CTNNBL1: variants seen among roughly 807,000 people sequenced by gnomAD.
CTNNBL1 encodes catenin beta like 1.
CTNNBL1 carries 31 observed loss-of-function variants against 72.7 expected under a neutral mutation model. The ratio of observed to expected loss-of-function variants is 0.43; its 90% CI spans 0.32 to 0.58. The LOEUF (loss-of-function observed/expected upper bound fraction) is 0.58, where lower values mean the gene tolerates loss of function less well. Among genes scored for constraint, CTNNBL1 ranks in the 20% least tolerant of loss-of-function variants. The pLI, the probability that CTNNBL1 is intolerant of heterozygous loss-of-function variation, is 0.08. For synonymous variants in CTNNBL1, 240 were observed against 267.3 expected (o/e 0.90, Z 1.00); for missense variants, 534 against 725.1 (o/e 0.74, Z 3.03).
intron 1 of CTNNBL1, among the ~76,000 whole-genome samples, chr20:37,711,273 A>C (rs2072935794): frequency 6.6e-6 from 1 of 152,060 alleles, no homozygotes; most frequent in African/African-American, 2.4e-5. Context: ...GGGGTTGGTA[A>C]GGAAATAGGA....
At chr20:37,806,415 C>A (rs1322128371) in intron 11 of CTNNBL1, among the ~76,000 whole-genome samples, 1 of 152,162 alleles carries the variant, frequency 6.6e-6, no homozygotes, top group African/African-American at 2.4e-5. Context: ...GTTGATGATA[C>A]AAGTTTGTAA....
chr20:37,798,586 T>C (rs1296688008), intron 10 of CTNNBL1, among the ~76,000 whole-genome samples: 1 of 152,254 alleles, frequency 6.6e-6, no homozygotes, highest in Admixed American at 6.5e-5. Flanking sequence ...ACCTCCATGC[T>C]GCTTGCCTAA....
In CTNNBL1 at chr20:37,793,156, T is replaced by C. The variant is rs58336707; in HGVS notation, c.1032-9711T>C. ...GTCAAATAGGTTAAGTTGCTGATCA[T>C]GTTGTTCAAATCGTCTATATTTGTA... On this transcript the variant is annotated intron_variant, in intron 10 of 15. Coordinates refer to ENST00000361383, the MANE Select transcript of CTNNBL1 (RefSeq NM_030877.5). Among the ~76,000 whole-genome samples, 813 of 152,354 alleles carry C rather than the reference T, an allele frequency of 5.3e-3. 8 individuals are homozygous for C. The highest frequency in any genetic ancestry group is 0.018 in the African/African-American group (768 of 41,584).
Position 37,733,007 on chromosome 20 carries a change from T to C in CTNNBL1, c.159T>C (p.Asp53=). The C allele has an allele frequency of 6.2e-7, 1 of 1,613,786 alleles. No homozygotes were observed. Among genetic ancestry groups the C allele is most frequent in the East Asian group, 2.2e-5 (1 of 44,854 alleles). The part of the protein sequence containing the change: ...EEEMTVVEEA[D]DDKKRLLQII... ...AAATGACTGTGGTGGAGGAAGCGGA[T>C]GATGACAAAAAAAGGCTGCTGCAGA... The change falls in exon 2 of 16, where the codon GAT becomes GAC. Residue 53 remains aspartate (D), a synonymous_variant. Transcript: ENST00000361383.
In CTNNBL1 at chr20:37,769,128, A is replaced by G. The variant is rs2073499675; in HGVS notation, c.750+1084A>G. 3.3e-5 allele frequency among the ~76,000 whole-genome samples: 5 copies of G among 152,332 alleles called. No homozygotes were observed. The South Asian group carries it at 8.3e-4, about 25-fold the overall frequency. ...ACATATATAGGAAAAAAACATAGTA[A>G]ATACAGAATTTATCTGTAGTTTCAG... On this transcript the variant is annotated intron_variant, in intron 7 of 15. Transcript: ENST00000361383.
chr20:37,703,229 A>G (rs2072858773), intron 1 of CTNNBL1, among the ~76,000 whole-genome samples: 1 of 152,230 alleles, frequency 6.6e-6, no homozygotes, highest in East Asian at 1.9e-4. Context: ...GGGAATTAAC[A>G]TTCGTGTAAT....
chr20:37,841,897 A>C (rs2072307162), intron 12 of CTNNBL1, among the ~76,000 whole-genome samples: 1 of 152,236 alleles, frequency 6.6e-6, no homozygotes, highest in East Asian at 1.9e-4. Flanking sequence ...CATTTTTAAA[A>C]AAAGATCAGC....
At chr20:37,723,176 G>C (rs914133399) in intron 1 of CTNNBL1, among the ~76,000 whole-genome samples, 1 of 152,210 alleles carries the variant, frequency 6.6e-6, no homozygotes, top group Non-Finnish European at 1.5e-5. Context: ...CCCTTTGGTG[G>C]TGAGATGAAT....
At chr20:37,862,577 T>C (rs1167542236) in intron 15 of CTNNBL1, among the ~76,000 whole-genome samples, 1 of 152,180 alleles carries the variant, frequency 6.6e-6, no homozygotes, top group Non-Finnish European at 1.5e-5. Flanking sequence ...GACCCCATAC[T>C]GGATACTGAG....
intron 11 of CTNNBL1, among the ~76,000 whole-genome samples, chr20:37,803,926 T>A (rs2071929017): frequency 6.6e-6 from 1 of 152,040 alleles, no homozygotes; most frequent in Admixed American, 6.5e-5. Flanking sequence ...GCATTCCTCA[T>A]CCTCATAGAC....
intron 15 of CTNNBL1, among the ~76,000 whole-genome samples, chr20:37,860,846 GTTTTA>G (rs2072485486): frequency 6.6e-6 from 1 of 152,036 alleles, no homozygotes; most frequent in African/African-American, 2.4e-5. Context: ...TAATTGTTCT[GTTTTA>G]TTTAGTTATT....
At chr20:37,798,340 T>C (rs2073796205) in intron 10 of CTNNBL1, among the ~76,000 whole-genome samples, 1 of 152,210 alleles carries the variant, frequency 6.6e-6, no homozygotes, top group South Asian at 2.1e-4. Context: ...GTTAGCAGAA[T>C]AGGGAGCAGT....
intron 7 of CTNNBL1, among the ~76,000 whole-genome samples, chr20:37,770,253 A>T (rs188762929): frequency 6.6e-6 from 1 of 152,166 alleles, no homozygotes; most frequent in Admixed American, 6.5e-5. Context: ...CATCTCTCTA[A>T]ACTCCGTTTC....
intron 5 of CTNNBL1, among the ~76,000 whole-genome samples, chr20:37,758,001 A>C (rs1352655356): frequency 6.6e-6 from 1 of 152,228 alleles, no homozygotes; most frequent in Non-Finnish European, 1.5e-5. Flanking sequence ...ATGGTCACAC[A>C]GCCAGGATTT....
intron 11 of CTNNBL1, among the ~76,000 whole-genome samples, chr20:37,829,769 G>A (rs139965291): frequency 4.5e-4 from 68 of 152,214 alleles, no homozygotes; most frequent in African/African-American, 1.6e-3. Context: ...CTGGCTGGGA[G>A]AGCATTTTCT....
chr20:37,760,103 T>C (rs2073401900), intron 5 of CTNNBL1, among the ~76,000 whole-genome samples: 1 of 152,232 alleles, frequency 6.6e-6, no homozygotes, highest in African/African-American at 2.4e-5. Context: ...TATCCACTGC[T>C]GTTACTTACG....
chr20:37,724,908 CTTTTTTTTTTT>C (rs748038781), intron 1 of CTNNBL1, among the ~76,000 whole-genome samples: 1 of 122,386 alleles, frequency 8.2e-6, no homozygotes, highest in South Asian at 2.7e-4. Flanking sequence ...TCCTGTCAAT[CTTTTTTTTTTT>C]TTTTTTTTTT....
At chr20:37,786,998 A>T (rs1394158042) in intron 10 of CTNNBL1, among the ~76,000 whole-genome samples, 1 of 152,208 alleles carries the variant, frequency 6.6e-6, no homozygotes, top group Non-Finnish European at 1.5e-5. Context: ...TAATTATAAC[A>T]TAAATCAACT....
chr20:37,705,317 C>A (rs778720488), intron 1 of CTNNBL1, among the ~76,000 whole-genome samples: 1 of 152,142 alleles, frequency 6.6e-6, no homozygotes, highest in Non-Finnish European at 1.5e-5. Flanking sequence ...TACCATCTTT[C>A]TTAAAAATAA....
Sources: allele counts gnomAD v4.1 joint callset (sites outside exome capture counted in the v4.1 genomes callset), GRCh38; gene constraint gnomAD v4.1.1; transcripts MANE v1.5; gene names NCBI Gene and HGNC (gene_info 2026-07-23, HGNC 2026-07-21).